Variants in RAB19 observed in about 807,000 individuals in gnomAD.
RAB19 encodes RAB19, member RAS oncogene family.
A neutral mutation model predicts 17.3 loss-of-function variants in RAB19; 21 were observed. That is an observed-to-expected ratio of 1.21 (90% CI 0.86 to 1.74). RAB19 has a LOEUF of 1.74. Ranked by LOEUF, RAB19 falls within the 40% of genes most tolerant of loss-of-function variation. The pLI, the probability that RAB19 is intolerant of heterozygous loss-of-function variation, is 0.00. For synonymous variants in RAB19, 126 were observed against 110.4 expected, an observed-to-expected ratio of 1.14 and a Z score of -0.88; for missense variants, 277 against 286.8, an observed-to-expected ratio of 0.97 and a Z score of 0.25.
At chr7:140,405,002 GAGGTAGTCAGTT>G (rs1172927284) in intron 1 of RAB19, among the ~76,000 whole-genome samples, 1 of 152,164 alleles carries the variant, frequency 6.6e-6, no homozygotes, top group Non-Finnish European at 1.5e-5. Context: ...AATTTTTCAG[GAGGTAGTCAGTT>G]CCTTGTGATC....
intron 3 of RAB19, among the ~76,000 whole-genome samples, chr7:140,418,323 G>A (rs1017800905): frequency 3.3e-5 from 5 of 150,032 alleles, no homozygotes; most frequent in African/African-American, 1.2e-4. Flanking sequence ...AGGCTGAGGC[G>A]GGTGGATTGC....
chr7:140,407,144 C>T (rs574361895), intron 1 of RAB19, among the ~76,000 whole-genome samples: 2 of 152,206 alleles, frequency 1.3e-5, no homozygotes, highest in South Asian at 2.1e-4. Context: ...CTTGGCCTTC[C>T]GAAGAGCTGG....
intron 3 of RAB19, among the ~76,000 whole-genome samples, chr7:140,418,877 T>C (rs1283499119): frequency 1.4e-5 from 2 of 141,680 alleles, no homozygotes; most frequent in Non-Finnish European, 3.1e-5. Flanking sequence ...AAAAAAAGAA[T>C]ATTGCCAGCC....
chr7:140,417,959 A>C (rs1248031304), intron 3 of RAB19, among the ~76,000 whole-genome samples: 2 of 152,138 alleles, frequency 1.3e-5, no homozygotes, highest in African/African-American at 2.4e-5. Context: ...TCACACCTGC[A>C]AAGACCCTGT....
chr7:140,423,189 C>G (rs1585432992), intron 3 of RAB19, among the ~76,000 whole-genome samples: 1 of 152,126 alleles, frequency 6.6e-6, no homozygotes, highest in Non-Finnish European at 1.5e-5. Context: ...CCTGTAATCC[C>G]AACATTTTGG....
chr7:140,425,937 A>C lies in RAB19; in HGVS notation c.441A>C (p.Thr147=). Residue 147 remains threonine, a synonymous_variant, in exon 4 of 4, where the codon ACA becomes ACC. Coordinates refer to ENST00000537763, the MANE Select transcript of RAB19 (RefSeq NM_001008749.3). ...ACGTCCTGTTCGAGGATGCCTGCACACTGGCTGAGAAGTACGGCCTCCTGG... is the reference window on the plus strand; with the variant it reads ...ACGTCCTGTTCGAGGATGCCTGCACCCTGGCTGAGAAGTACGGCCTCCTGG... The part of the protein sequence containing the change: ...KRHVLFEDAC[T]LAEKYGLLAV... The C allele has an allele frequency of 6.2e-7, 1 of 1,614,198 alleles. No individual in the cohort carries two copies. Among genetic ancestry groups the C allele is most frequent in the East Asian group, 2.2e-5 (1 of 44,886 alleles).
intron 2 of RAB19, chr7:140,410,920 T>C (rs1179562759): frequency 7.3e-6 from 10 of 1,367,364 alleles, no homozygotes; most frequent in African/African-American, 1.5e-5. Context: ...TTGGGAGGTA[T>C]TATTGTGAGA....
intron 2 of RAB19, chr7:140,410,877 G>A (rs2971690): frequency 0.42 from 546,594 of 1,310,072 alleles, 116,572 homozygotes; most frequent in Non-Finnish European, 0.44. Context: ...GTGAGAGGCT[G>A]TGTGAATTGG....
At chr7:140,407,547 A>G in intron 1 of RAB19, 77 bp from the exon 2 acceptor site, 1 of 1,023,772 alleles carries the variant, frequency 9.8e-7, no homozygotes, top group Non-Finnish European at 1.5e-6. Context: ...TAGCACTGTG[A>G]AGGTAATGAC....
intron 2 of RAB19, 78 bp from the exon 3 acceptor site, chr7:140,411,796 T>C: frequency 6.2e-7 from 1 of 1,609,484 alleles, no homozygotes; most frequent in Non-Finnish European, 8.5e-7. Context: ...AACTGTGTTT[T>C]TAAGAAGATG....
In RAB19 at chr7:140,411,980, C is replaced by T. The variant is rs755346342; in HGVS notation, c.308C>T (p.Ser103Phe). ...AIIAYDLTRR[S>F]TFESIPHWIH... ...ATCGCCTATGACCTCACCCGGCGGT[C>T]CACGTTCGAGTCCATCCCTCACTGG... Residue 103 changes from serine (S) to phenylalanine (F), a missense_variant, in exon 3 of 4, where the codon TCC becomes TTC. Ser to Phe is a radical substitution (Grantham distance 155). Coordinates refer to ENST00000537763, the MANE Select transcript of RAB19 (RefSeq NM_001008749.3). 6.2e-7 allele frequency: 1 copy of T among 1,614,060 alleles called. No homozygotes were observed. Among genetic ancestry groups the T allele is most frequent in the South Asian group, 1.1e-5 (1 of 91,086 alleles).
Position 140,409,948 on chromosome 7 carries a change from A to C in RAB19, c.202-1926A>C, listed in dbSNP as rs565480252. On this transcript the variant is annotated intron_variant, in intron 2 of 3. Coordinates refer to ENST00000537763, the MANE Select transcript of RAB19 (RefSeq NM_001008749.3). ...GCGGAGCTTGCACTGAGCCGAGATC[A>C]TACCACTGCACTCCAGCCTGGGCAA... 9.7e-4 allele frequency among the ~76,000 whole-genome samples: 144 copies of C among 148,294 alleles called. 1 individual carries two copies. The highest frequency in any genetic ancestry group is 3.5e-3 in the African/African-American group (139 of 40,278).
chr7:140,424,157 TA>T (rs1476711520), intron 3 of RAB19, among the ~76,000 whole-genome samples: 2 of 122,324 alleles, frequency 1.6e-5, no homozygotes, highest in African/African-American at 3.1e-5. Flanking sequence ...GCCTGGCTGA[TA>T]ATTTTTTTTT....
intron 1 of RAB19, among the ~76,000 whole-genome samples, chr7:140,406,919 C>T (rs1331120462): frequency 6.6e-6 from 1 of 151,018 alleles, no homozygotes; most frequent in Admixed American, 6.6e-5. Context: ...GAGTTTCGCT[C>T]TTGTTGCCCA....
Position 140,427,216 on chromosome 7 carries a change from C to T in RAB19, c.*1066C>T, listed in dbSNP as rs113959218. Among the ~76,000 whole-genome samples, 14,671 of 144,786 alleles carry T rather than the reference C, an allele frequency of 0.1. 1,062 individuals are homozygous for T. The highest frequency in any genetic ancestry group is 0.26 in the East Asian group (1,264 of 4,824). 95.0% of individuals were successfully genotyped at this position (144,786 alleles called of 152,430 possible). ...CTGGAATGCAGTGGCATGATCTCGG[C>T]TCACTGCAACCTCAACCTCCACCTC... On this transcript the variant is annotated 3_prime_UTR_variant, in exon 4 of 4. Transcript: ENST00000537763.
At chr7:140,420,412 C>G (rs1799535994) in intron 3 of RAB19, among the ~76,000 whole-genome samples, 1 of 120,810 alleles carries the variant, frequency 8.3e-6, no homozygotes, top group Non-Finnish European at 1.6e-5. Context: ...CAGAGTGAGA[C>G]TCCATATCAA....
intron 2 of RAB19, among the ~76,000 whole-genome samples, chr7:140,409,693 G>A (rs1461464908): frequency 6.6e-6 from 1 of 150,874 alleles, no homozygotes; most frequent in East Asian, 2.0e-4. Context: ...GCAAGACTCT[G>A]TCTCAAAAAG....
intron 3 of RAB19, among the ~76,000 whole-genome samples, chr7:140,415,765 T>TGTG (rs1799444611): frequency 2.7e-5 from 3 of 112,602 alleles, no homozygotes; most frequent in East Asian, 4.7e-4. Flanking sequence ...ATTAGCCAGA[T>TGTG]GTGGTGGTGC....
intron 1 of RAB19, among the ~76,000 whole-genome samples, chr7:140,406,365 C>T (rs959958679): frequency 2.0e-5 from 3 of 151,732 alleles, no homozygotes; most frequent in Non-Finnish European, 4.4e-5. Flanking sequence ...TCTGGCGGCG[C>T]GTGATGGCTC....
Sources: allele counts gnomAD v4.1 joint callset (sites outside exome capture counted in the v4.1 genomes callset), GRCh38; gene constraint gnomAD v4.1.1; transcripts MANE v1.5; gene names NCBI Gene and HGNC (gene_info 2026-07-23, HGNC 2026-07-21).